The following TINAG variants were observed in gnomAD, a reference collection of about 807,000 sequenced individuals.
The protein encoded by TINAG is tubulointerstitial nephritis antigen.
A neutral mutation model predicts 72.7 loss-of-function variants in TINAG; 83 were observed. The observed-to-expected ratio is 1.14, with a 90% CI of 0.96 to 1.37. TINAG has a LOEUF of 1.37. TINAG is among the 40% of genes most tolerant of loss of function. The pLI, the probability that TINAG is intolerant of heterozygous loss-of-function variation, is 0.00. For missense variants in TINAG, 685 were observed against 576.6 expected (o/e 1.19, Z -1.93); for synonymous variants, 234 against 189.9 (o/e 1.23, Z -1.91).
chr6:54,355,764 C>T (rs1508640), intron 9 of TINAG, among the ~76,000 whole-genome samples: 4,401 of 147,324 alleles, frequency 0.03, 220 homozygotes, highest in African/African-American at 0.099. Flanking sequence ...AATGTTTTCA[C>T]CATTCCTAGA....
rs149782712 is a variant in TINAG at position 54,312,290 on chromosome 6, C to G, written c.355+3385C>G. Among the ~76,000 whole-genome samples, 586 of 151,978 alleles carry G rather than the reference C, an allele frequency of 3.9e-3. 5 individuals carry two copies. The highest frequency in any genetic ancestry group is 0.012 in the African/African-American group (491 of 41,454). On this transcript the variant is annotated intron_variant, in intron 1 of 10. Transcript: ENST00000259782. ...TCCCAGGCTGTTTCAAACTTCAGAG[C>G]TCAAGCACTGTATTATATATTTTTA...
intron 9 of TINAG, among the ~76,000 whole-genome samples, chr6:54,376,944 A>C (rs1763801511): frequency 6.6e-6 from 1 of 152,304 alleles, no homozygotes; most frequent in African/African-American, 2.4e-5. Context: ...GGCAGCACTC[A>C]TGCATCCTTA....
intron 9 of TINAG, among the ~76,000 whole-genome samples, chr6:54,359,651 A>T (rs1316748815): frequency 2.0e-5 from 3 of 151,858 alleles, no homozygotes; most frequent in Non-Finnish European, 4.4e-5. Flanking sequence ...TGGGATCTTT[A>T]TAAATTTACT....
rs1475848478 is a variant in TINAG at position 54,368,854 on chromosome 6, T to C, written c.1251-11672T>C. 4.0e-5 allele frequency among the ~76,000 whole-genome samples: 6 copies of C among 151,772 alleles called. No homozygotes were observed. The South Asian group carries it at 1.2e-3, about 31-fold the overall frequency. On this transcript the variant is annotated intron_variant, in intron 9 of 10. Coordinates refer to ENST00000259782, the MANE Select transcript of TINAG (RefSeq NM_014464.4). ...TACTATTAAGTACCGTGCATTTTGT[T>C]TTCTTCAGATAAATGCTATATTTCA... is the stretch of plus-strand genomic sequence containing the variant.
chr6:54,348,470 C>G (rs901302431), intron 6 of TINAG, among the ~76,000 whole-genome samples: 2 of 152,026 alleles, frequency 1.3e-5, no homozygotes, highest in Non-Finnish European at 2.9e-5. Flanking sequence ...ATTCCATAGA[C>G]TGAGTGTCTT....
intron 10 of TINAG, among the ~76,000 whole-genome samples, chr6:54,383,837 G>T (rs1472752074): frequency 1.3e-5 from 2 of 152,022 alleles, no homozygotes; most frequent in African/African-American, 4.8e-5. Flanking sequence ...ATTTGACCCA[G>T]CAATCTCATT....
chr6:54,374,756 CCTAT>C (rs1763730895), intron 9 of TINAG, among the ~76,000 whole-genome samples: 1 of 151,940 alleles, frequency 6.6e-6, no homozygotes, highest in South Asian at 2.1e-4. Context: ...ATCCTGATAG[CCTAT>C]CTGAGTTTCA....
intron 1 of TINAG, among the ~76,000 whole-genome samples, chr6:54,310,722 C>CT (rs201174822): frequency 8.5e-6 from 1 of 118,268 alleles, no homozygotes; most frequent in Admixed American, 8.1e-5. Context: ...CTCCCTCTTT[C>CT]TTTTTTCTCT....
chr6:54,360,874 A>ATTTTTTTTTTTTTTTTTTTT, intron 9 of TINAG, among the ~76,000 whole-genome samples: 1 of 25,016 alleles, frequency 4.0e-5, no homozygotes, highest in African/African-American at 9.7e-5. Flanking sequence ...TTTTTTTTTC[A>ATTTTTTTTTTTTTTTTTTTT]AATTGAAAGT....
At chr6:54,350,360 T>G (rs1210809388) in intron 7 of TINAG, among the ~76,000 whole-genome samples, 1 of 152,020 alleles carries the variant, frequency 6.6e-6, no homozygotes. Context: ...CTTCTTCATA[T>G]CAGTGTTCCC....
chr6:54,366,829 C>G (rs1162747778), intron 9 of TINAG, among the ~76,000 whole-genome samples: 2 of 151,546 alleles, frequency 1.3e-5, no homozygotes, highest in Non-Finnish European at 3.0e-5. Context: ...CAGAAAGCTG[C>G]TCCAGGAAAT....
chr6:54,339,557 C>A (rs571994653), intron 4 of TINAG, among the ~76,000 whole-genome samples: 1 of 152,060 alleles, frequency 6.6e-6, no homozygotes, highest in Non-Finnish European at 1.5e-5. Flanking sequence ...GAGGGGGGTG[C>A]ATGGAGGGGC....
intron 9 of TINAG, among the ~76,000 whole-genome samples, chr6:54,369,381 A>C (rs1763535933): frequency 6.6e-6 from 1 of 151,924 alleles, no homozygotes; most frequent in Non-Finnish European, 1.5e-5. Flanking sequence ...GAAATCCAAA[A>C]GCTTTGTTTC....
chr6:54,308,947 A>G, intron 1 of TINAG, 42 bp downstream of exon 1: 1 of 1,473,484 alleles, frequency 6.8e-7, no homozygotes, highest in Non-Finnish European at 9.2e-7. Flanking sequence ...CTCGTTCATA[A>G]CAACAAGATC....
chr6:54,318,166 G>T (rs558300464), intron 1 of TINAG, among the ~76,000 whole-genome samples: 9 of 152,162 alleles, frequency 5.9e-5, no homozygotes, highest in African/African-American at 2.2e-4. Flanking sequence ...ATTTAGTCTT[G>T]TGTTTGAAAA....
chr6:54,349,932 T>G, intron 7 of TINAG, 36 bp downstream of exon 7: 1 of 1,469,848 alleles, frequency 6.8e-7, no homozygotes, highest in Non-Finnish European at 9.2e-7. Flanking sequence ...AATAGTTGGC[T>G]TTCTCAAATG....
In TINAG at chr6:54,310,837, TTC is replaced by T. The variant is rs552478434; in HGVS notation, c.355+1942_355+1943del. On this transcript the variant is annotated intron_variant, in intron 1 of 10. Transcript: ENST00000259782. ...CTCCCTCTTTCTTTCTCTTTCTTTT[TTC>T]TCTCTCTCTTTCTCTCGCTCTTTCT... Among the ~76,000 whole-genome samples, 1,280 of 149,736 alleles carry T rather than the reference TTC, an allele frequency of 8.5e-3. 16 individuals carry two copies. Among genetic ancestry groups the T allele is most frequent in the South Asian group, 0.016 (78 of 4,764 alleles).
At chr6:54,385,879 AT>A (rs557831982) in intron 10 of TINAG, among the ~76,000 whole-genome samples, 1,621 of 80,690 alleles carry the variant, frequency 0.02, 10 homozygotes, top group African/African-American at 0.047. Context: ...AAAAAACATG[AT>A]TTTTTTTTTT....
intron 9 of TINAG, among the ~76,000 whole-genome samples, chr6:54,373,437 C>T (rs373914520): frequency 9.2e-5 from 14 of 152,236 alleles, no homozygotes; most frequent in Middle Eastern, 3.4e-3. Context: ...AATGATTCTA[C>T]TCTTTTTCTG....
Sources: gnomAD v4.1 joint callset for allele counts (sites outside exome capture counted in the v4.1 genomes callset) on GRCh38, gnomAD v4.1.1 for gene constraint, MANE v1.5 for transcripts, NCBI Gene and HGNC (gene_info 2026-07-23, HGNC 2026-07-21) for gene names.